Variants in ATP2A1 observed in about 807,000 individuals in gnomAD.
The protein encoded by ATP2A1 is ATPase sarcoplasmic/endoplasmic reticulum Ca2+ transporting 1, also known as sarcoplasmic/endoplasmic reticulum calcium ATPase 1.
In ATP2A1, 83 loss-of-function variants were observed where a neutral mutation model predicts 109.5. The ratio of observed to expected loss-of-function variants is 0.76; its 90% CI spans 0.63 to 0.91. The LOEUF (loss-of-function observed/expected upper bound fraction) is 0.91. Among genes scored for constraint, ATP2A1 ranks in the 40% least tolerant of loss-of-function variants. The probability of loss-of-function intolerance (pLI) is 0.00; values close to 1 mark genes in which losing one functional copy is unlikely to be tolerated. For synonymous variants in ATP2A1, 505 were observed against 537.6 expected, an observed-to-expected ratio of 0.94 and a Z score of 0.84; for missense variants, 1,101 against 1,341.0, an observed-to-expected ratio of 0.82 and a Z score of 2.80.
At position 28,900,801 on chromosome 16, in the gene ATP2A1, C is replaced by T. The variant is rs763900970; in HGVS notation, c.1985C>T (p.Pro662Leu). The change falls in exon 15 of 23, where the codon CCC becomes CTC. Residue 662 changes from proline (P) to leucine (L), a missense_variant. Coordinates refer to ENST00000395503, the MANE Select transcript of ATP2A1 (RefSeq NM_004320.6). ...ACGGGCCGAGAGTTCGACGACCTGC[C>T]CCTGGCTGAACAGCGGGAAGCCTGC... ...AYTGREFDDL[P>L]LAEQREACRR... 6.8e-6 allele frequency: 11 copies of T among 1,614,082 alleles called. No individual in the cohort carries two copies. Among genetic ancestry groups the T allele is most frequent in the Admixed American group, 1.7e-5 (1 of 60,006 alleles).
intron 12 of ATP2A1, among the ~76,000 whole-genome samples, chr16:28,897,062 C>A (rs182966285): frequency 6.6e-6 from 1 of 151,844 alleles, no homozygotes; most frequent in African/African-American, 2.4e-5. Context: ...GCCTAAGCAA[C>A]AGAGCAAGAC....
rs748428599 is a variant in ATP2A1 at position 28,900,825 on chromosome 16, G to T, written c.2009G>T (p.Cys670Phe). ...DLPLAEQREACRRACCFARVE... is the reference protein window; with the variant it reads ...DLPLAEQREAFRRACCFARVE... Reference sequence around the variant, plus strand: ...CCCCTGGCTGAACAGCGGGAAGCCTGCCGACGTGCCTGCTGCTTCGCCCGT... The same window carrying T: ...CCCCTGGCTGAACAGCGGGAAGCCTTCCGACGTGCCTGCTGCTTCGCCCGT... Residue 670 changes from cysteine to phenylalanine, a missense_variant, in exon 15 of 23, where the codon TGC becomes TTC. By Grantham distance (205) the Cys-to-Phe change is radical. Transcript: ENST00000395503. The T allele has an allele frequency of 1.4e-5, 23 of 1,614,108 alleles. No homozygotes were observed. The highest frequency in any genetic ancestry group is 1.8e-5 in the Non-Finnish European group (21 of 1,180,058).
rs1338079016 is a variant in ATP2A1, at chr16:28,882,448, CAG to C, written c.325-2_325-1del. 2 of 1,614,168 alleles carry C rather than the reference CAG, an allele frequency of 1.2e-6. No individual in the cohort carries two copies. Among genetic ancestry groups the C allele is most frequent in the South Asian group, 2.2e-5 (2 of 91,080 alleles). On this transcript the variant is annotated splice_acceptor_variant, in intron 4 of 22. Transcript: ENST00000395503. LOFTEE classifies it high-confidence loss of function. ...CCCTGCCTCCTCCACCCTGTCTCCT[CAG>C]GAGCGGAACGCAGAGAACGCCATCG...
intron 9 of ATP2A1, among the ~76,000 whole-genome samples, chr16:28,891,965 T>C (rs920763305): frequency 2.0e-5 from 3 of 152,070 alleles, no homozygotes; most frequent in African/African-American, 7.2e-5. Flanking sequence ...AAACCAATGA[T>C]TGTGAAATAC....
chr16:28,894,691 C>A, intron 11 of ATP2A1, 84 bp downstream of exon 11: 1 of 1,595,044 alleles, frequency 6.3e-7, no homozygotes, highest in African/African-American at 1.3e-5. Flanking sequence ...GAAGGGGACC[C>A]AGTACACCCA....
chr16:28,897,719 C>T (rs1963956915), intron 12 of ATP2A1, among the ~76,000 whole-genome samples: 1 of 152,158 alleles, frequency 6.6e-6, no homozygotes, highest in African/African-American at 2.4e-5. Context: ...ATTCACCCGC[C>T]TCAGCCTCCT....
At position 28,898,620 on chromosome 16, in the gene ATP2A1, G is replaced by A. The variant is rs1247801039; in HGVS notation, c.1764+169G>A. ...ACAGTAGAGTTTCAGAGAACCTTGG[G>A]AGGCCGGGTGCAGTGACTCACACCT... is the stretch of plus-strand genomic sequence containing the variant. On this transcript the variant is annotated intron_variant, in intron 14 of 22. Coordinates refer to ENST00000395503, the MANE Select transcript of ATP2A1 (RefSeq NM_004320.6). The surrounding 1 kb of genome is among the most constrained non-coding windows in gnomAD (Gnocchi z 4.0). Among the ~76,000 whole-genome samples, 1 of 152,100 alleles carries A rather than the reference G, an allele frequency of 6.6e-6. No individual in the cohort carries two copies. The highest frequency in any genetic ancestry group is 1.5e-5 in the Non-Finnish European group (1 of 68,016).
In ATP2A1 at chr16:28,890,127, G is replaced by GT. The variant is rs953467044; in HGVS notation, c.1095+1175dup. On this transcript the variant is annotated intron_variant, in intron 9 of 22. Transcript: ENST00000395503. ...ACTGCACTCCAGTGTGGGCGACGGA[G>GT]TAAGACTGTCTTAAATAATAAAATG... Among the ~76,000 whole-genome samples the GT allele has an allele frequency of 4.2e-4, 64 of 152,066 alleles. 1 individual carries two copies. The highest frequency in any genetic ancestry group is 1.5e-3 in the African/African-American group (62 of 41,482).
chr16:28,896,339 G>A (rs1245739072), intron 12 of ATP2A1, among the ~76,000 whole-genome samples: 1 of 152,040 alleles, frequency 6.6e-6, no homozygotes, highest in Non-Finnish European at 1.5e-5. Context: ...CAATTCTCCT[G>A]CCTCAGCCTC....
chr16:28,894,071 G>A (rs1963849964), intron 9 of ATP2A1, 84 bp from the exon 10 acceptor site: 3 of 1,163,680 alleles, frequency 2.6e-6, no homozygotes, highest in Admixed American at 1.9e-5. Context: ...GTAGGTGTTG[G>A]CAGTGCAGGC....
At chr16:28,892,320 TC>T in intron 9 of ATP2A1, 1 of 371,798 alleles carries the variant, frequency 2.7e-6, no homozygotes, top group Non-Finnish European at 5.5e-6. Context: ...TGCAGGGTCT[TC>T]CACTGACCTC....
chr16:28,881,012 T>G lies in ATP2A1; in HGVS notation c.317T>G (p.Val106Gly). 1.9e-6 allele frequency: 3 copies of G among 1,613,922 alleles called. No individual in the cohort carries two copies. The highest frequency in any genetic ancestry group is 2.5e-6 in the Non-Finnish European group (3 of 1,179,872). The stretch of plus-strand genomic sequence containing the variant: ...CTCATTGCCAATGCCATCGTGGGGG[T>G]TTGGCAGGTTAGCGTTGACCCTTCC... Reference protein sequence around the residue: ...LILIANAIVGVWQERNAENAI... With the variant: ...LILIANAIVGGWQERNAENAI... Residue 106 changes from valine (V) to glycine (G), a missense_variant, in exon 4 of 23, where the codon GTT becomes GGT. By Grantham distance (109) the Val-to-Gly change is moderately radical. Transcript: ENST00000395503.
rs1016672316 is a variant in ATP2A1 at position 28,879,848 on chromosome 16, G to A, written c.219+265G>A. On this transcript the variant is annotated intron_variant, in intron 3 of 22. Transcript: ENST00000395503. ...CCACCCTCGCGGCTTCAAGAGCTTG[G>A]AGAGCTCGGGTTACCCACCCGAACT... 1.4e-4 allele frequency: 84 copies of A among 581,670 alleles called. No individual in the cohort carries two copies. In the African/African-American group the frequency reaches 1.6e-3, roughly 11 times the overall value. 36.0% of individuals were successfully genotyped at this position (581,670 alleles called of 1,614,324 possible).
intron 6 of ATP2A1, among the ~76,000 whole-genome samples, chr16:28,884,862 C>G (rs367568481): frequency 1.3e-4 from 20 of 152,280 alleles, no homozygotes; most frequent in African/African-American, 4.1e-4. Flanking sequence ...GCAGGAGGAT[C>G]GCCTGGGTAC....
At chr16:28,888,493 C>T (rs997891247) in intron 8 of ATP2A1, among the ~76,000 whole-genome samples, 1 of 152,110 alleles carries the variant, frequency 6.6e-6, no homozygotes, top group African/African-American at 2.4e-5. Flanking sequence ...ACTGTAATCT[C>T]GAACTCCTGG....
chr16:28,904,148 G>C, intron 22 of ATP2A1, 32 bp from the exon 23 acceptor site: 1 of 1,588,538 alleles, frequency 6.3e-7, no homozygotes. Context: ...CCCTCCTGCC[G>C]CCTGCCTCAT....
chr16:28,879,076 C>A (rs529691613), intron 1 of ATP2A1, 23 bp from the exon 2 acceptor site: 1 of 1,613,862 alleles, frequency 6.2e-7, no homozygotes, highest in Non-Finnish European at 8.5e-7. Context: ...TGAATCTGTC[C>A]TTTTCTTCTT....
intron 12 of ATP2A1, 141 bp from the exon 13 acceptor site, chr16:28,897,859 T>C (rs1963961040): frequency 8.7e-7 from 1 of 1,145,034 alleles, no homozygotes; most frequent in Non-Finnish European, 1.3e-6. Context: ...GTGGCAACAC[T>C]AGCCTTGGGA....
chr16:28,884,610 G>A lies in ATP2A1; in HGVS notation c.499G>A (p.Ala167Thr), dbSNP rs757752844. The A allele has an allele frequency of 6.2e-6, 10 of 1,613,572 alleles. No individual in the cohort carries two copies. The highest frequency in any genetic ancestry group is 2.2e-5 in the East Asian group (1 of 44,892). Residue 167 changes from alanine (A) to threonine (T), a missense_variant, in exon 6 of 23, where the codon GCC (alanine) becomes ACC (threonine). Coordinates refer to ENST00000395503, the MANE Select transcript of ATP2A1 (RefSeq NM_004320.6). Reference sequence around the variant, plus strand: ...AGTCCCTGCAGACATCCGAATCCTCGCCATCAAATCCACCACGCTGCGGGT... The same window carrying A: ...AGTCCCTGCAGACATCCGAATCCTCACCATCAAATCCACCACGCTGCGGGT... Reference protein sequence around the residue: ...DKVPADIRILAIKSTTLRVDQ... With the variant: ...DKVPADIRILTIKSTTLRVDQ...
Sources: gnomAD v4.1 joint callset for allele counts (sites outside exome capture counted in the v4.1 genomes callset) on GRCh38, gnomAD v4.1.1 for gene constraint, Gnocchi (gnomAD v3.1) non-coding constraint, MANE v1.5 for transcripts, NCBI Gene and HGNC (gene_info 2026-07-23, HGNC 2026-07-21) for gene names.